TNPO1: variants seen among roughly 807,000 people sequenced by gnomAD.
TNPO1 encodes transportin 1, also known as transportin-1.
TNPO1 carries 8 observed loss-of-function variants against 119.5 expected under a neutral mutation model. The observed-to-expected ratio is 0.07, with a 90% CI of 0.04 to 0.12. The LOEUF (loss-of-function observed/expected upper bound fraction) is 0.12. Among genes scored for constraint, TNPO1 ranks in the 10% least tolerant of loss-of-function variants. TNPO1 has a pLI of 1.00. For missense variants in TNPO1, 576 were observed against 1,089.8 expected (o/e 0.53, Z 6.64); for synonymous variants, 362 against 363.0 (o/e 1.00, Z 0.03).
chr5:72,846,019 T>C (rs185357411), intron 1 of TNPO1, among the ~76,000 whole-genome samples: 2 of 152,332 alleles, frequency 1.3e-5, no homozygotes, highest in East Asian at 1.9e-4. Flanking sequence ...AAATTGGCAT[T>C]GTTTAGCTTC....
chr5:72,882,809 T>C (rs1435255465), intron 10 of TNPO1, among the ~76,000 whole-genome samples: 1 of 152,168 alleles, frequency 6.6e-6, no homozygotes, highest in East Asian at 1.9e-4. Context: ...TTCAGGTAAC[T>C]TAGATTATAC....
chr5:72,865,745 G>A lies in TNPO1; in HGVS notation c.596+16G>A. 1.4e-5 allele frequency: 22 copies of A among 1,605,378 alleles called. No homozygotes were observed. The highest frequency in any genetic ancestry group is 1.9e-5 in the Non-Finnish European group (22 of 1,176,924). ...CAAAAATAAGGTACTTATATTGCCAGTACTAATTGATTAACTGTGATATAA... is the reference window on the plus strand; with the variant it reads ...CAAAAATAAGGTACTTATATTGCCAATACTAATTGATTAACTGTGATATAA... On this transcript the variant is annotated intron_variant, in intron 6 of 24. Coordinates refer to ENST00000337273, the MANE Select transcript of TNPO1 (RefSeq NM_002270.4).
intron 1 of TNPO1, among the ~76,000 whole-genome samples, chr5:72,820,639 G>T (rs533876281): frequency 6.6e-6 from 1 of 152,142 alleles, no homozygotes; most frequent in Non-Finnish European, 1.5e-5. Context: ...GGCTCAGAGC[G>T]TTCGAGCCTG....
chr5:72,899,053 CTT>C (rs1466311197), intron 20 of TNPO1, among the ~76,000 whole-genome samples: 3 of 151,990 alleles, frequency 2.0e-5, no homozygotes, highest in Non-Finnish European at 4.4e-5. Flanking sequence ...TATTTTAGCT[CTT>C]TGTAAGTTTA....
chr5:72,898,907 T>TTA (rs1343879249), intron 20 of TNPO1, among the ~76,000 whole-genome samples: 1 of 152,156 alleles, frequency 6.6e-6, no homozygotes, highest in African/African-American at 2.4e-5. Flanking sequence ...TTATGAAAGG[T>TTA]TAACCTGTAA....
intron 18 of TNPO1, among the ~76,000 whole-genome samples, chr5:72,895,908 A>G (rs781641883): frequency 5.5e-4 from 83 of 152,282 alleles, no homozygotes; most frequent in Admixed American, 1.7e-3. Flanking sequence ...AAGCTGTTGT[A>G]CTGCTTGCAG....
At chr5:72,881,837 A>G (rs1748268802) in intron 9 of TNPO1, among the ~76,000 whole-genome samples, 1 of 152,128 alleles carries the variant, frequency 6.6e-6, no homozygotes, top group African/African-American at 2.4e-5. Flanking sequence ...CCCTCACCGT[A>G]CCAGATAAAT....
Position 72,817,160 on chromosome 5 carries a change from G to C in TNPO1, c.15+408G>C, listed in dbSNP as rs1337570774. ...CTTTCACTGGTTCTGGGCGCTGGCC[G>C]GCGCTGCCCGAGATGGGCCAGTCTT... On this transcript the variant is annotated intron_variant, in intron 1 of 24. Coordinates refer to ENST00000337273, the MANE Select transcript of TNPO1 (RefSeq NM_002270.4). Among the ~76,000 whole-genome samples the C allele has an allele frequency of 1.3e-5, 2 of 152,240 alleles. 1 individual carries two copies. Among genetic ancestry groups the C allele is most frequent in the East Asian group, 3.9e-4 (2 of 5,190 alleles).
intron 24 of TNPO1, among the ~76,000 whole-genome samples, chr5:72,906,028 G>A (rs1750117641): frequency 6.6e-6 from 1 of 152,126 alleles, no homozygotes; most frequent in African/African-American, 2.4e-5. Context: ...TACACTGGTT[G>A]GATTTCTCAA....
At chr5:72,848,122 A>T (rs921371317) in intron 1 of TNPO1, 14 of 1,156,792 alleles carry the variant, frequency 1.2e-5, no homozygotes, top group African/African-American at 1.6e-5. Flanking sequence ...ATTCGCGGTG[A>T]CTCAGTCTGG....
intron 6 of TNPO1, among the ~76,000 whole-genome samples, chr5:72,866,277 T>A (rs186347179): frequency 6.6e-6 from 1 of 152,326 alleles, no homozygotes; most frequent in Admixed American, 6.5e-5. Flanking sequence ...CTCCCACTTA[T>A]AAGTGAGAAC....
At chr5:72,855,639 G>C in intron 3 of TNPO1, 135 bp from the exon 4 acceptor site, 1 of 718,682 alleles carries the variant, frequency 1.4e-6, no homozygotes, top group Non-Finnish European at 2.3e-6. Flanking sequence ...TTGTTAATCA[G>C]TTATAATTAT....
At chr5:72,841,267 G>A (rs1202155662) in intron 1 of TNPO1, among the ~76,000 whole-genome samples, 3 of 151,202 alleles carry the variant, frequency 2.0e-5, no homozygotes, top group East Asian at 1.9e-4. Flanking sequence ...ACAGGCGCCC[G>A]CTACCACACC....
At chr5:72,908,018 G>A (rs536362323) in intron 24 of TNPO1, among the ~76,000 whole-genome samples, 8 of 152,242 alleles carry the variant, frequency 5.3e-5, no homozygotes, top group Admixed American at 2.0e-4. Flanking sequence ...ACACCACTGC[G>A]TTCCAGCCTG....
intron 1 of TNPO1, among the ~76,000 whole-genome samples, chr5:72,820,482 A>G (rs1258320058): frequency 6.6e-6 from 1 of 152,220 alleles, no homozygotes; most frequent in East Asian, 1.9e-4. Flanking sequence ...GTAATGTACT[A>G]GACATCATTT....
chr5:72,898,776 G>T (rs1400590987), intron 20 of TNPO1, among the ~76,000 whole-genome samples: 3 of 152,098 alleles, frequency 2.0e-5, no homozygotes, highest in African/African-American at 7.2e-5. Flanking sequence ...TGCATAGTTT[G>T]TGTCTTTTGA....
intron 1 of TNPO1, among the ~76,000 whole-genome samples, chr5:72,817,290 C>T (rs896996149): frequency 6.6e-6 from 1 of 152,164 alleles, no homozygotes; most frequent in Admixed American, 6.5e-5. Context: ...GTTCTTTCTC[C>T]TTGGGGCCTC....
At chr5:72,876,817 G>A (rs1479332862) in intron 8 of TNPO1, among the ~76,000 whole-genome samples, 9 of 151,952 alleles carry the variant, frequency 5.9e-5, no homozygotes, top group African/African-American at 1.9e-4. Flanking sequence ...AATTCTGGCC[G>A]GGTGCGGTGG....
chr5:72,856,336 A>G (rs1745997157), intron 4 of TNPO1, among the ~76,000 whole-genome samples: 1 of 152,054 alleles, frequency 6.6e-6, no homozygotes, highest in Non-Finnish European at 1.5e-5. Context: ...GATTCAAGCG[A>G]TTCTCCTGCC....
Sources: allele counts gnomAD v4.1 joint callset (sites outside exome capture counted in the v4.1 genomes callset), GRCh38; gene constraint gnomAD v4.1.1; transcripts MANE v1.5; gene names NCBI Gene and HGNC (gene_info 2026-07-23, HGNC 2026-07-21).